OPCML: variants seen among roughly 807,000 people sequenced by gnomAD.
OPCML encodes the protein opioid binding protein/cell adhesion molecule like.
In OPCML, 13 loss-of-function variants were observed where a neutral mutation model predicts 37.8. That is an observed-to-expected ratio of 0.34 (90% CI 0.22 to 0.55). The LOEUF is 0.55. Among genes scored for constraint, OPCML ranks in the 20% least tolerant of loss-of-function variants. The pLI is 0.91. For synonymous variants in OPCML, 176 were observed against 168.8 expected, an observed-to-expected ratio of 1.04 and a Z score of -0.33; for missense variants, 341 against 435.6, an observed-to-expected ratio of 0.78 and a Z score of 1.93.
intron 1 of OPCML, among the ~76,000 whole-genome samples, chr11:133,444,622 A>G (rs1485876547): frequency 6.6e-6 from 1 of 152,216 alleles, no homozygotes; most frequent in Non-Finnish European, 1.5e-5. Context: ...ATAAAAGTTG[A>G]TATTTATACT....
At chr11:132,747,567 G>T (rs934737891) in intron 2 of OPCML, among the ~76,000 whole-genome samples, 2 of 152,144 alleles carry the variant, frequency 1.3e-5, no homozygotes, top group African/African-American at 4.8e-5. Context: ...ACCAAAAGGG[G>T]CCCACTGGGA....
chr11:133,481,773 AGT>A (rs1223143867), intron 1 of OPCML, among the ~76,000 whole-genome samples: 3 of 152,230 alleles, frequency 2.0e-5, no homozygotes, highest in Admixed American at 6.5e-5. Flanking sequence ...TGTGCAGGAC[AGT>A]GTTCATAACC....
Position 132,660,174 on chromosome 11 carries a change from T to C in OPCML, c.147-2855A>G, listed in dbSNP as rs77185822. Among the ~76,000 whole-genome samples the C allele has an allele frequency of 8.3e-3, 1,270 of 152,300 alleles. 22 individuals carry two copies. Among genetic ancestry groups the C allele is most frequent in the African/African-American group, 0.028 (1,145 of 41,560 alleles). On this transcript the variant is annotated intron_variant, in intron 2 of 7. Coordinates refer to ENST00000524381, the MANE Select transcript of OPCML (RefSeq NM_001012393.5). ...TTTTTTTAAATGCCGTAGATAAATATCACTCACTGCTAGAATGAGATGGAG... is the reference window on the plus strand; with the variant it reads ...TTTTTTTAAATGCCGTAGATAAATACCACTCACTGCTAGAATGAGATGGAG...
intron 2 of OPCML, among the ~76,000 whole-genome samples, chr11:132,842,239 T>G (rs1565903143): frequency 6.6e-6 from 1 of 152,156 alleles, no homozygotes; most frequent in Non-Finnish European, 1.5e-5. Context: ...TAGGAGTCTG[T>G]TGTCAAGTCT....
chr11:132,630,523 AAT>A (rs1491565215), intron 3 of OPCML, among the ~76,000 whole-genome samples: 29 of 151,194 alleles, frequency 1.9e-4, no homozygotes, highest in African/African-American at 6.8e-4. Flanking sequence ...AATAGGACAC[AAT>A]ATGTGTGTGT....
chr11:133,436,498 A>G (rs1946236438), intron 1 of OPCML, among the ~76,000 whole-genome samples: 1 of 152,078 alleles, frequency 6.6e-6, no homozygotes, highest in African/African-American at 2.4e-5. Flanking sequence ...TTCACTTAAA[A>G]TTTTCTCAGG....
At chr11:132,494,862 T>G (rs2096226384) in intron 4 of OPCML, among the ~76,000 whole-genome samples, 1 of 152,202 alleles carries the variant, frequency 6.6e-6, no homozygotes. Flanking sequence ...TCTTCAAGAC[T>G]CTTTGATGGT....
chr11:132,792,274 G>A (rs1937967774), intron 2 of OPCML, among the ~76,000 whole-genome samples: 1 of 151,366 alleles, frequency 6.6e-6, no homozygotes, highest in African/African-American at 2.4e-5. Flanking sequence ...CCACCTTCTT[G>A]TTCTCCACTG....
Position 133,367,792 on chromosome 11 carries a change from C to A in OPCML, c.61+164472G>T, listed in dbSNP as rs143821187. ...CTTCCACCACACTCACAAACATCCA[C>A]AGATAACTTGCTTCAGGGGGAGCAA... is the stretch of plus-strand genomic sequence containing the variant. On this transcript the variant is annotated intron_variant, in intron 1 of 7. Transcript: ENST00000524381. 3.6e-3 allele frequency among the ~76,000 whole-genome samples: 548 copies of A among 152,296 alleles called. 2 individuals carry two copies. The highest frequency in any genetic ancestry group is 6.4e-3 in the Non-Finnish European group (433 of 68,032).
intron 1 of OPCML, among the ~76,000 whole-genome samples, chr11:133,171,903 G>T (rs1347192146): frequency 1.3e-5 from 2 of 152,188 alleles, no homozygotes; most frequent in African/African-American, 4.8e-5. Flanking sequence ...CCTAGGTACT[G>T]CAAGTGTGGT....
At chr11:133,378,696 T>C (rs926146660) in intron 1 of OPCML, among the ~76,000 whole-genome samples, 2 of 151,274 alleles carry the variant, frequency 1.3e-5, no homozygotes, top group Non-Finnish European at 2.9e-5. Context: ...TTCTTTCTTT[T>C]TTTCCTTCCT....
intron 1 of OPCML, among the ~76,000 whole-genome samples, chr11:133,221,832 C>T (rs1424658791): frequency 1.3e-5 from 2 of 152,164 alleles, no homozygotes; most frequent in Non-Finnish European, 2.9e-5. Context: ...GTTAGCCAAT[C>T]AGACTGATGT....
chr11:132,711,885 C>T (rs972166397), intron 2 of OPCML, among the ~76,000 whole-genome samples: 3 of 152,172 alleles, frequency 2.0e-5, no homozygotes, highest in South Asian at 2.1e-4. Flanking sequence ...ATACAACACG[C>T]GTGCAATAAT....
intron 1 of OPCML, among the ~76,000 whole-genome samples, chr11:132,980,929 C>T (rs2136788022): frequency 6.6e-6 from 1 of 152,354 alleles, no homozygotes; most frequent in East Asian, 1.9e-4. Flanking sequence ...TTAGGCAATC[C>T]TGTCATTGTG....
Position 133,107,329 on chromosome 11 carries a change from G to C in OPCML, c.62-164319C>G, listed in dbSNP as rs547283521. ...TTTAAAGCTGCTGCACTCTGATAAC[G>C]GGGAGGGAGAGACTCTTCAAAACTG... On this transcript the variant is annotated intron_variant, in intron 1 of 7. Transcript: ENST00000524381. Among the ~76,000 whole-genome samples, 4 of 152,314 alleles carry C rather than the reference G, an allele frequency of 2.6e-5. No individual in the cohort carries two copies. The South Asian group carries it at 8.3e-4, about 32-fold the overall frequency.
chr11:133,454,975 C>CT (rs892735213), intron 1 of OPCML, among the ~76,000 whole-genome samples: 4 of 151,966 alleles, frequency 2.6e-5, no homozygotes, highest in South Asian at 2.1e-4. Context: ...TGGGATTCAC[C>CT]TTTTTTTTCC....
At chr11:133,087,527 G>C (rs911380269) in intron 1 of OPCML, among the ~76,000 whole-genome samples, 3 of 152,124 alleles carry the variant, frequency 2.0e-5, no homozygotes, top group African/African-American at 7.2e-5. Flanking sequence ...TGAATGAAAA[G>C]AAAAATATGT....
intron 4 of OPCML, among the ~76,000 whole-genome samples, chr11:132,485,090 A>AT (rs1217265151): frequency 3.6e-5 from 5 of 140,344 alleles, no homozygotes; most frequent in Non-Finnish European, 6.2e-5. Flanking sequence ...AATAATAATA[A>AT]AATAAAATAA....
intron 3 of OPCML, among the ~76,000 whole-genome samples, chr11:132,546,453 C>T (rs1354043788): frequency 3.9e-5 from 6 of 152,164 alleles, no homozygotes; most frequent in Admixed American, 3.3e-4. Flanking sequence ...TCCCCCGTGT[C>T]CCCAAAGTCC....
Sources: allele counts gnomAD v4.1 joint callset (sites outside exome capture counted in the v4.1 genomes callset), GRCh38; gene constraint gnomAD v4.1.1; transcripts MANE v1.5; gene names NCBI Gene and HGNC (gene_info 2026-07-23, HGNC 2026-07-21).